MEIS1: variants seen among roughly 807,000 people sequenced by gnomAD.
The protein encoded by MEIS1 is Meis homeobox 1.
A neutral mutation model predicts 50.8 loss-of-function variants in MEIS1; 5 were observed. That is an observed-to-expected ratio of 0.10 (90% confidence interval 0.05 to 0.21). MEIS1 has a LOEUF of 0.21. Among genes scored for constraint, MEIS1 ranks in the 10% least tolerant of loss-of-function variants. The pLI, the probability that MEIS1 is intolerant of heterozygous loss-of-function variation, is 1.00. For synonymous variants in MEIS1, 176 were observed against 179.3 expected (o/e 0.98, Z 0.15); for missense variants, 318 against 517.3 (o/e 0.61, Z 3.74).
intron 9 of MEIS1, among the ~76,000 whole-genome samples, chr2:66,560,977 T>C (rs1572905541): frequency 6.6e-6 from 1 of 152,220 alleles, no homozygotes; most frequent in Non-Finnish European, 1.5e-5. Flanking sequence ...GAATCAACTT[T>C]CTTGAATATC....
chr2:66,495,085 T>C (rs1673367814), intron 7 of MEIS1, among the ~76,000 whole-genome samples: 1 of 146,104 alleles, frequency 6.8e-6, no homozygotes, highest in African/African-American at 2.5e-5. Flanking sequence ...CTGACCTTTT[T>C]TTTTTTTTTT....
chr2:66,512,374 G>C, intron 8 of MEIS1, 80 bp downstream of exon 8: 2 of 1,439,446 alleles, frequency 1.4e-6, no homozygotes, highest in Non-Finnish European at 1.9e-6. Context: ...AGAAAAAAGT[G>C]ATCCCTCTGG....
intron 8 of MEIS1, among the ~76,000 whole-genome samples, chr2:66,513,453 C>CGGGT (rs1418445664): frequency 6.6e-6 from 1 of 152,088 alleles, no homozygotes; most frequent in Non-Finnish European, 1.5e-5. Flanking sequence ...TACAGAGATA[C>CGGGT]AAACTCAGGG....
intron 10 of MEIS1, 132 bp downstream of exon 10, chr2:66,567,643 C>T (rs1354439743): frequency 2.5e-6 from 2 of 810,854 alleles, no homozygotes; most frequent in Non-Finnish European, 4.2e-6. Context: ...AAAATTAAAC[C>T]AGTTTCGTTT....
intron 9 of MEIS1, among the ~76,000 whole-genome samples, chr2:66,550,482 T>C (rs972572850): frequency 2.0e-5 from 3 of 148,670 alleles, no homozygotes; most frequent in Non-Finnish European, 4.5e-5. Flanking sequence ...TTTTGTTTTG[T>C]TTTGTTTTGT....
At chr2:66,486,893 CTCTG>C (rs1328187700) in intron 7 of MEIS1, among the ~76,000 whole-genome samples, 7 of 151,974 alleles carry the variant, frequency 4.6e-5, no homozygotes, top group South Asian at 2.1e-4. Context: ...TGATTTGGGT[CTCTG>C]TCTATTATTG....
At chr2:66,524,091 T>A (rs1013939682) in intron 8 of MEIS1, among the ~76,000 whole-genome samples, 1 of 152,302 alleles carries the variant, frequency 6.6e-6, no homozygotes, top group African/African-American at 2.4e-5. Context: ...ATTATCCTGG[T>A]CATTGGAGGA....
intron 8 of MEIS1, among the ~76,000 whole-genome samples, chr2:66,518,732 G>A (rs62144053): frequency 0.064 from 9,790 of 152,048 alleles, 416 homozygotes; most frequent in Middle Eastern, 0.11. Context: ...TTTTTTTAAC[G>A]AACTCAATCC....
At chr2:66,442,218 G>A (rs1484297205) in intron 5 of MEIS1, among the ~76,000 whole-genome samples, 3 of 148,060 alleles carry the variant, frequency 2.0e-5, no homozygotes, top group Non-Finnish European at 3.0e-5. Context: ...GGACCTCTAG[G>A]AAACCTCTGC....
At chr2:66,533,333 C>T (rs1430632282) in intron 8 of MEIS1, among the ~76,000 whole-genome samples, 1 of 152,138 alleles carries the variant, frequency 6.6e-6, no homozygotes, top group East Asian at 1.9e-4. Context: ...TATTTTTCCC[C>T]CATAGACTTT....
chr2:66,566,774 G>T (rs1675357883), intron 9 of MEIS1, among the ~76,000 whole-genome samples: 1 of 148,082 alleles, frequency 6.8e-6, no homozygotes, highest in African/African-American at 2.5e-5. Flanking sequence ...CTGTATATCT[G>T]TGACCTTGCC....
intron 8 of MEIS1, among the ~76,000 whole-genome samples, chr2:66,531,311 C>T (rs532264770): frequency 6.6e-6 from 1 of 152,296 alleles, no homozygotes; most frequent in Admixed American, 6.5e-5. Context: ...AATGAACACT[C>T]ATCACCATAT....
chr2:66,525,903 T>C (rs1213679805), intron 8 of MEIS1, among the ~76,000 whole-genome samples: 1 of 152,266 alleles, frequency 6.6e-6, no homozygotes, highest in Non-Finnish European at 1.5e-5. Flanking sequence ...GCAGAGGCTC[T>C]GCAGATCAGG....
chr2:66,479,764 T>G (rs978480478), intron 7 of MEIS1, among the ~76,000 whole-genome samples: 2 of 152,168 alleles, frequency 1.3e-5, no homozygotes, highest in Admixed American at 6.5e-5. Context: ...GCACTTTTCT[T>G]TAGGCACAAA....
chr2:66,568,691 C>T lies in MEIS1; in HGVS notation c.1049C>T (p.Pro350Leu). 1 of 1,613,682 alleles carries T rather than the reference C, an allele frequency of 6.2e-7. No homozygotes were observed. Among genetic ancestry groups the T allele is most frequent in the African/African-American group, 1.3e-5 (1 of 75,010 alleles). ...RAVSQGTPYNPDGQPMGGFVM... is the reference protein window; with the variant it reads ...RAVSQGTPYNLDGQPMGGFVM... ...GTAAGTCAAGGAACACCTTATAATC[C>T]TGATGGACAGCCCATGGGAGGTTTC... The change falls in exon 11 of 13, where the codon CCT (proline) becomes CTT (leucine). Residue 350 changes from proline to leucine, a missense_variant. Physicochemically the swap from Pro to Leu is moderately conservative, Grantham distance 98. This residue lies in a region of MEIS1 where 54 missense variants were observed against 75.0 expected (regional missense o/e 0.72). Transcript: ENST00000272369.
At chr2:66,554,722 A>C (rs1429052778) in intron 9 of MEIS1, among the ~76,000 whole-genome samples, 1 of 152,156 alleles carries the variant, frequency 6.6e-6, no homozygotes, top group African/African-American at 2.4e-5. Flanking sequence ...AAGAGAAGTA[A>C]AGTGTGCGCT....
chr2:66,479,859 T>C (rs1018449322), intron 7 of MEIS1, among the ~76,000 whole-genome samples: 1 of 152,218 alleles, frequency 6.6e-6, no homozygotes, highest in Non-Finnish European at 1.5e-5. Context: ...CTCGGTAACC[T>C]GCCCTATTTG....
At chr2:66,465,239 T>C (rs1672606050) in intron 7 of MEIS1, among the ~76,000 whole-genome samples, 1 of 152,248 alleles carries the variant, frequency 6.6e-6, no homozygotes, top group Non-Finnish European at 1.5e-5. Flanking sequence ...ACATATATGC[T>C]GTTTGTACTG....
chr2:66,569,103 A>T lies in MEIS1; in HGVS notation c.1168A>T (p.Met390Leu). The T allele has an allele frequency of 6.2e-7, 1 of 1,613,850 alleles. No homozygotes were observed. The highest frequency in any genetic ancestry group is 1.1e-5 in the South Asian group (1 of 91,062). The change falls in exon 12 of 13, where the codon ATG (methionine) becomes TTG (leucine). Residue 390 changes from methionine to leucine, a missense_variant. Around this residue, in one of 6 missense-constraint regions of MEIS1, gnomAD observed 54 missense variants for 75.0 expected, o/e 0.72. Coordinates refer to ENST00000272369, the MANE Select transcript of MEIS1 (RefSeq NM_002398.3). ...GGGCATGGAGGGGCAGTGGCACTACATGTAACCTTCATCTAGTTAACCAAT... is the reference window on the plus strand; with the variant it reads ...GGGCATGGAGGGGCAGTGGCACTACTTGTAACCTTCATCTAGTTAACCAAT... ...NMGMEGQWHY[M>L] is the part of the protein sequence containing the mutation.
Sources: gnomAD v4.1 joint callset for allele counts (sites outside exome capture counted in the v4.1 genomes callset) on GRCh38, gnomAD v4.1.1 for gene constraint, gnomAD v4.1.1 regional missense constraint, MANE v1.5 for transcripts, NCBI Gene and HGNC (gene_info 2026-07-23, HGNC 2026-07-21) for gene names.